The following NECTIN1 variants were observed in gnomAD, a reference collection of about 807,000 sequenced individuals.
The protein encoded by NECTIN1 is nectin cell adhesion molecule 1, also known as nectin-1.
In NECTIN1, 23 loss-of-function variants were observed where a neutral mutation model predicts 48.0. That is an observed-to-expected ratio of 0.48 (90% CI 0.34 to 0.68). The LOEUF is 0.68. NECTIN1 is among the 30% of genes least tolerant of loss of function. The probability of loss-of-function intolerance (pLI) is 0.01; values close to 1 mark genes in which losing one functional copy is unlikely to be tolerated. For missense variants in NECTIN1, 591 were observed against 709.9 expected, an observed-to-expected ratio of 0.83 and a Z score of 1.90; for synonymous variants, 270 against 288.9, an observed-to-expected ratio of 0.93 and a Z score of 0.66.
At chr11:119,659,318 G>C (rs1864623186), downstream of NECTIN1, 1 of 152,252 alleles carries the variant, frequency 6.6e-6, no homozygotes, top group South Asian at 2.1e-4. Flanking sequence ...CTGCAACCAG[G>C]AGTGGGTAGG....
At chr11:119,728,208 A>G (rs1865947081) in intron 1 of NECTIN1, among the ~76,000 whole-genome samples, 1 of 152,206 alleles carries the variant, frequency 6.6e-6, no homozygotes, top group African/African-American at 2.4e-5. Flanking sequence ...ACGCTATTAC[A>G]TATTATTATT....
At chr11:119,640,320 A>C (rs1357543705) in intron 5 of NECTIN1, 1 of 424,308 alleles carries the variant, frequency 2.4e-6, no homozygotes, top group East Asian at 4.6e-5. Flanking sequence ...TGGGGTCCCC[A>C]CCCCGTCATT....
At chr11:119,686,870 G>A (rs1048718461) in intron 1 of NECTIN1, among the ~76,000 whole-genome samples, 4 of 152,160 alleles carry the variant, frequency 2.6e-5, no homozygotes, top group Admixed American at 2.6e-4. Context: ...CTCATACGGA[G>A]TTTGGAAAAG....
intron 1 of NECTIN1, among the ~76,000 whole-genome samples, chr11:119,716,512 G>A (rs1331314378): frequency 6.6e-6 from 1 of 152,170 alleles, no homozygotes; most frequent in African/African-American, 2.4e-5. Context: ...AGATACACCC[G>A]CTGACACAGG....
rs1328935600 is a variant in NECTIN1, at chr11:119,673,459, C to G, written c.1003+1700G>C. On this transcript the variant is annotated intron_variant, in intron 5 of 5. Coordinates refer to ENST00000264025, the MANE Select transcript of NECTIN1 (RefSeq NM_002855.5). The surrounding 1 kb of genome is among the most constrained non-coding windows in gnomAD (Gnocchi z 5.8). ...GCCCACACCCCTCACATGTTGATAG[C>G]CCACCATCAGGGGAAGGTATCACCA... Among the ~76,000 whole-genome samples, 3 of 152,202 alleles carry G rather than the reference C, an allele frequency of 2.0e-5. No homozygotes were observed. The highest frequency in any genetic ancestry group is 7.2e-5 in the African/African-American group (3 of 41,454).
rs148002608 is a variant in NECTIN1, at chr11:119,674,941, C to A, written c.1003+218G>T. Among the ~76,000 whole-genome samples the A allele has an allele frequency of 6.6e-5, 10 of 152,338 alleles. No individual in the cohort carries two copies. The East Asian group carries it at 1.9e-3, about 29-fold the overall frequency. On this transcript the variant is annotated intron_variant, in intron 5 of 5. Transcript: ENST00000264025. ...CTTCCCTCTCAGAGCCTTCCTCCTG[C>A]CCCTCTCTGATTGGGGGTCACCCTG...
chr11:119,648,328 G>A (rs1167053789), intron 5 of NECTIN1, among the ~76,000 whole-genome samples: 1 of 71,814 alleles, frequency 1.4e-5, no homozygotes, highest in Non-Finnish European at 2.7e-5. Context: ...GGTGATGGTG[G>A]TGATGGTGGT....
chr11:119,640,027 C>T (rs771733323), intron 5 of NECTIN1: 11 of 1,602,622 alleles, frequency 6.9e-6, no homozygotes, highest in Non-Finnish European at 6.0e-6. Flanking sequence ...AAACAAAAGA[C>T]AGGGAAGAGG....
intron 1 of NECTIN1, among the ~76,000 whole-genome samples, chr11:119,719,106 C>T (rs570135413): frequency 2.0e-5 from 3 of 152,268 alleles, no homozygotes; most frequent in Admixed American, 6.5e-5. Context: ...CCACTTGTGG[C>T]GTCATGTCGG....
intron 5 of NECTIN1, among the ~76,000 whole-genome samples, chr11:119,670,780 G>T (rs1864851612): frequency 6.6e-6 from 1 of 150,540 alleles, no homozygotes; most frequent in Non-Finnish European, 1.5e-5. Context: ...CTGAGTAGTT[G>T]GGACTACAGG....
At chr11:119,697,236 C>A (rs769471548) in intron 1 of NECTIN1, among the ~76,000 whole-genome samples, 2 of 151,940 alleles carry the variant, frequency 1.3e-5, no homozygotes, top group African/African-American at 2.4e-5. Flanking sequence ...CAAGGGCTTG[C>A]GCTTTATTAT....
At chr11:119,642,608 A>G (rs879835327) in intron 5 of NECTIN1, 2 of 153,622 alleles carry the variant, frequency 1.3e-5, no homozygotes, top group Non-Finnish European at 2.9e-5. Flanking sequence ...GGGCCCTTTC[A>G]TCATCCTTAC....
chr11:119,696,999 C>G (rs952622673), intron 1 of NECTIN1, among the ~76,000 whole-genome samples: 2 of 152,132 alleles, frequency 1.3e-5, no homozygotes, highest in African/African-American at 4.8e-5. Flanking sequence ...CCCTCCCCGC[C>G]TCCTATGAGG....
chr11:119,716,225 G>T (rs1200361159), intron 1 of NECTIN1, among the ~76,000 whole-genome samples: 1 of 152,126 alleles, frequency 6.6e-6, no homozygotes, highest in Non-Finnish European at 1.5e-5. Context: ...AGAAGTCACA[G>T]GAGCCCAGCA....
At chr11:119,694,926 T>C (rs890704043) in intron 1 of NECTIN1, among the ~76,000 whole-genome samples, 13 of 151,894 alleles carry the variant, frequency 8.6e-5, no homozygotes, top group Non-Finnish European at 1.8e-4. Flanking sequence ...ATATAGCCCC[T>C]TGACTCTCCT....
At position 119,662,742 on chromosome 11, in the gene NECTIN1, G is replaced by A. The variant is rs1864689317; in HGVS notation, c.*2005C>T. The A allele has an allele frequency of 1.0e-6, 1 of 984,048 alleles. No individual in the cohort carries two copies. 61.0% of individuals were successfully genotyped at this position (984,048 alleles called of 1,614,324 possible). A position where few individuals can be genotyped will look rare whatever the true frequency, so the allele number is the denominator to read the frequency against. ...CCCTGTCCTGGGGGACACTAATACT[G>A]CTGGGAAAAGCAGCCCAGCTCCTCC... On this transcript the variant is annotated 3_prime_UTR_variant, in exon 6 of 6. Coordinates refer to ENST00000264025, the MANE Select transcript of NECTIN1 (RefSeq NM_002855.5). This position sits in a 1 kb window ranked among gnomAD's most constrained non-coding sequence, Gnocchi z 5.3.
chr11:119,710,388 C>G lies in NECTIN1; in HGVS notation c.79+18087G>C, dbSNP rs185641326. On this transcript the variant is annotated intron_variant, in intron 1 of 5. Transcript: ENST00000264025. ...TTATTTAATAAACAAGTATTAAGAACCTACCAAGTGCCTGCCAGTAGGGCT... is the reference window on the plus strand; with the variant it reads ...TTATTTAATAAACAAGTATTAAGAAGCTACCAAGTGCCTGCCAGTAGGGCT... 5.7e-4 allele frequency among the ~76,000 whole-genome samples: 87 copies of G among 151,344 alleles called. 1 individual carries two copies. The highest frequency in any genetic ancestry group is 1.6e-3 in the African/African-American group (67 of 41,116).
intron 1 of NECTIN1, among the ~76,000 whole-genome samples, chr11:119,719,885 G>A (rs2134343880): frequency 6.6e-6 from 1 of 152,340 alleles, no homozygotes; most frequent in South Asian, 2.1e-4. Context: ...TGCGGGGGGA[G>A]CGGGTCATGA....
intron 6 of NECTIN1, chr11:119,638,839 G>A (rs1244963008): frequency 6.3e-7 from 1 of 1,577,366 alleles, no homozygotes; most frequent in African/African-American, 1.4e-5. Context: ...CTCAGCACAG[G>A]AGCACACATG....
Sources: gnomAD v4.1 joint callset for allele counts (sites outside exome capture counted in the v4.1 genomes callset) on GRCh38, gnomAD v4.1.1 for gene constraint, Gnocchi (gnomAD v3.1) non-coding constraint, MANE v1.5 for transcripts, NCBI Gene and HGNC (gene_info 2026-07-23, HGNC 2026-07-21) for gene names.